The following TTC28 variants were observed in gnomAD, a reference collection of about 807,000 sequenced individuals.
The protein encoded by TTC28 is tetratricopeptide repeat protein 28.
In TTC28, 61 loss-of-function variants were observed where a neutral mutation model predicts 198.0. That is an observed-to-expected ratio of 0.31 (90% CI 0.25 to 0.38). The LOEUF (loss-of-function observed/expected upper bound fraction) is 0.38, where lower values mean the gene tolerates loss of function less well. Among genes scored for constraint, TTC28 ranks in the 10% least tolerant of loss-of-function variants. The probability of loss-of-function intolerance (pLI) is 1.00; values close to 1 mark genes in which losing one functional copy is unlikely to be tolerated. For synonymous variants in TTC28, 1,171 were observed against 1,297.8 expected (o/e 0.90, Z 2.10); for missense variants, 2,678 against 3,164.0 (o/e 0.85, Z 3.69).
chr22:28,457,259 C>A (rs1217064788), intron 2 of TTC28, among the ~76,000 whole-genome samples: 1 of 152,130 alleles, frequency 6.6e-6, no homozygotes, highest in Non-Finnish European at 1.5e-5. Flanking sequence ...ATTACACTAA[C>A]CTAATATATC....
chr22:28,535,898 T>C (rs541738822), intron 2 of TTC28, among the ~76,000 whole-genome samples: 1 of 152,134 alleles, frequency 6.6e-6, no homozygotes, highest in South Asian at 2.1e-4. Context: ...TGATTAAATC[T>C]CTTTTCTTTA....
At chr22:28,626,871 TA>T (rs943396159) in intron 2 of TTC28, among the ~76,000 whole-genome samples, 87 of 152,214 alleles carry the variant, frequency 5.7e-4, no homozygotes, top group African/African-American at 1.9e-3. Flanking sequence ...AAAGGGTGAT[TA>T]TTTTTTGTCT....
At chr22:28,613,038 C>A in intron 2 of TTC28, among the ~76,000 whole-genome samples, 1 of 151,966 alleles carries the variant, frequency 6.6e-6, no homozygotes, top group East Asian at 1.9e-4. Flanking sequence ...ATCAATGAAT[C>A]CAGAAGCTGG....
intron 2 of TTC28, among the ~76,000 whole-genome samples, chr22:28,353,528 G>T (rs1478583920): frequency 6.6e-6 from 1 of 152,102 alleles, no homozygotes; most frequent in African/African-American, 2.4e-5. Context: ...AGAGAGCCCA[G>T]AAATAAAGCC....
At chr22:28,087,003 A>G (rs934335960) in intron 12 of TTC28, among the ~76,000 whole-genome samples, 4 of 152,316 alleles carry the variant, frequency 2.6e-5, no homozygotes, top group African/African-American at 9.6e-5. Context: ...AGGCTCCGAA[A>G]TTGTAGCAAT....
At chr22:28,198,083 G>A (rs1015112647) in intron 5 of TTC28, among the ~76,000 whole-genome samples, 3 of 152,202 alleles carry the variant, frequency 2.0e-5, no homozygotes, top group East Asian at 3.9e-4. Context: ...TGACAAACTC[G>A]TCAGAACAAA....
intron 5 of TTC28, among the ~76,000 whole-genome samples, chr22:28,205,820 G>A (rs777651667): frequency 2.0e-5 from 3 of 151,896 alleles, no homozygotes; most frequent in Non-Finnish European, 4.4e-5. Flanking sequence ...TTAGAGATCA[G>A]ACTTAAAATA....
At chr22:28,030,061 G>A (rs1188466893) in intron 13 of TTC28, among the ~76,000 whole-genome samples, 165 bp downstream of exon 13, 1 of 152,254 alleles carries the variant, frequency 6.6e-6, no homozygotes, top group African/African-American at 2.4e-5. Context: ...GTGAAGCAGA[G>A]GCCCTGACGG....
intron 2 of TTC28, among the ~76,000 whole-genome samples, chr22:28,624,005 G>A (rs1418264641): frequency 4.0e-5 from 6 of 151,508 alleles, no homozygotes; most frequent in African/African-American, 1.5e-4. Flanking sequence ...CAAAGTAAAT[G>A]CAAAAAAAAG....
rs134191 is a variant in TTC28 at position 28,255,542 on chromosome 22, G to A, written c.933+40656C>T. Among the ~76,000 whole-genome samples the A allele has an allele frequency of 9.9e-4, 151 of 152,170 alleles. 3 individuals are homozygous for A. In the East Asian group the frequency reaches 0.023, roughly 23 times the overall value. On this transcript the variant is annotated intron_variant, in intron 5 of 22. Coordinates refer to ENST00000397906, the MANE Select transcript of TTC28 (RefSeq NM_001145418.2). The stretch of plus-strand genomic sequence containing the variant: ...GCTAAAAACACAAAATTAGCCAGGC[G>A]AGGTGGCACGTGCCTGTAATCCCAG...
chr22:28,492,691 C>G (rs528675619), intron 2 of TTC28, among the ~76,000 whole-genome samples: 1 of 152,198 alleles, frequency 6.6e-6, no homozygotes, highest in Admixed American at 6.5e-5. Context: ...GTAGCAATAG[C>G]AAGTGCCTCT....
chr22:27,997,593 T>C (rs1937575060), intron 16 of TTC28: 1 of 152,214 alleles, frequency 6.6e-6, no homozygotes, highest in Admixed American at 6.5e-5. Flanking sequence ...TTTCCCAAAG[T>C]TTGAGACACT....
intron 2 of TTC28, among the ~76,000 whole-genome samples, chr22:28,389,193 CA>C: frequency 6.6e-6 from 1 of 152,134 alleles, no homozygotes; most frequent in African/African-American, 2.4e-5. Flanking sequence ...GGATGAGGCC[CA>C]CTTGATCATG....
chr22:28,149,706 T>C (rs1420394833), intron 6 of TTC28, among the ~76,000 whole-genome samples: 3 of 152,064 alleles, frequency 2.0e-5, no homozygotes, highest in South Asian at 2.1e-4. Context: ...ATGATAACAA[T>C]AGAAGCAGAC....
In TTC28 at chr22:28,108,175, T is replaced by A; in HGVS notation, c.1670A>T (p.His557Leu). The A allele has an allele frequency of 1.3e-6, 2 of 1,551,680 alleles. No individual in the cohort carries two copies. Among genetic ancestry groups the A allele is most frequent in the Non-Finnish European group, 1.7e-6 (2 of 1,146,960 alleles). Residue 557 changes from histidine (H) to leucine (L), a missense_variant, in exon 7 of 23, where the codon CAT becomes CTT. By Grantham distance (99) the His-to-Leu change is moderately conservative. Around this residue, in one of 8 missense-constraint regions of TTC28, gnomAD observed 775 missense variants for 845.9 expected, o/e 0.92. Transcript: ENST00000397906. ...CTGGTAGGCCACGGCAAGGTTCCCA[T>A]GTGTGGAGGCCTGTGAGGCGCGGTC... ...VNDRASQAST[H>L]GNLAVAYQAL...
chr22:28,133,720 A>T (rs1943118950), intron 6 of TTC28, among the ~76,000 whole-genome samples: 1 of 152,292 alleles, frequency 6.6e-6, no homozygotes, highest in Middle Eastern at 3.4e-3. Flanking sequence ...GGGAAGCTTG[A>T]ACTGGGTGGA....
chr22:28,026,195 G>C (rs552793815), intron 13 of TTC28, among the ~76,000 whole-genome samples: 1 of 152,304 alleles, frequency 6.6e-6, no homozygotes, highest in Admixed American at 6.5e-5. Context: ...GAGGGGGAAG[G>C]GGGCAGGGAA....
At chr22:28,473,607 T>A (rs2048126063) in intron 2 of TTC28, among the ~76,000 whole-genome samples, 1 of 152,196 alleles carries the variant, frequency 6.6e-6, no homozygotes, top group African/African-American at 2.4e-5. Context: ...GCCACTGAGC[T>A]GCTACTTGGG....
chr22:28,406,581 T>C (rs1392586972), intron 2 of TTC28, among the ~76,000 whole-genome samples: 1 of 152,206 alleles, frequency 6.6e-6, no homozygotes, highest in East Asian at 1.9e-4. Context: ...TCATAAACTT[T>C]GATAACATCT....
Sources: allele counts gnomAD v4.1 joint callset (sites outside exome capture counted in the v4.1 genomes callset), GRCh38; gene constraint gnomAD v4.1.1; regional missense constraint gnomAD v4.1.1; transcripts MANE v1.5; gene names NCBI Gene and HGNC (gene_info 2026-07-23, HGNC 2026-07-21).